RERE: variants seen among roughly 807,000 people sequenced by gnomAD.
RERE encodes the protein arginine-glutamic acid dipeptide repeats, also known as arginine-glutamic acid dipeptide repeats protein.
In RERE, 40 loss-of-function variants were observed where a neutral mutation model predicts 146.1. That is an observed-to-expected ratio of 0.27 (90% CI 0.21 to 0.36). The LOEUF (loss-of-function observed/expected upper bound fraction) is 0.36. RERE is among the 10% of genes least tolerant of loss of function. The pLI, the probability that RERE is intolerant of heterozygous loss-of-function variation, is 1.00. For missense variants in RERE, 1,933 were observed against 2,138.7 expected (o/e 0.90, Z 1.90); for synonymous variants, 1,003 against 866.0 (o/e 1.16, Z -2.78).
chr1:8,509,775 C>T (rs1459873888), intron 7 of RERE, among the ~76,000 whole-genome samples: 2 of 152,218 alleles, frequency 1.3e-5, no homozygotes, highest in African/African-American at 4.8e-5. Flanking sequence ...ACCTGGGCAA[C>T]AGAGCATGAC....
Position 8,361,219 on chromosome 1 carries a change from G to C in RERE, c.2288C>G (p.Thr763Arg), listed in dbSNP as rs375116302. Residue 763 changes from threonine (T) to arginine (R), a missense_variant, in exon 18 of 23, where the codon ACG becomes AGG. Transcript: ENST00000400908. ...AGTGGCAGAGGGCGTGGGCCCTGGC[G>C]TGGGCAGCTGAGGGGTCCCTGGAGG... ...SAPPGTPQLPTPGPTPSATAV... is the reference protein window; with the variant it reads ...SAPPGTPQLPRPGPTPSATAV... The C allele has an allele frequency of 1.3e-6, 2 of 1,529,510 alleles. No homozygotes were observed. Among genetic ancestry groups the C allele is most frequent in the Admixed American group, 2.0e-5 (1 of 49,190 alleles). The allele number at this position is 1,529,510 out of a possible 1,614,324, so 94.7% of individuals were successfully genotyped here.
chr1:8,595,306 T>C (rs1186630446), intron 4 of RERE, among the ~76,000 whole-genome samples: 1 of 152,044 alleles, frequency 6.6e-6, no homozygotes, highest in Non-Finnish European at 1.5e-5. Flanking sequence ...CATTTGTCCA[T>C]ATCCATACTT....
chr1:8,683,319 A>G (rs763293151), intron 1 of RERE, among the ~76,000 whole-genome samples: 6 of 152,072 alleles, frequency 3.9e-5, no homozygotes, highest in Non-Finnish European at 8.8e-5. Context: ...TTGTTCCTTC[A>G]TCTTTTCCCC....
At chr1:8,459,129 G>C (rs532507904) in intron 11 of RERE, among the ~76,000 whole-genome samples, 2 of 152,066 alleles carry the variant, frequency 1.3e-5, no homozygotes, top group African/African-American at 4.8e-5. Context: ...TTTAAGCAAG[G>C]GTTTGGTTCA....
intron 7 of RERE, among the ~76,000 whole-genome samples, chr1:8,510,408 T>C (rs931310056): frequency 1.3e-5 from 2 of 152,174 alleles, no homozygotes; most frequent in African/African-American, 4.8e-5. Flanking sequence ...AGGGAAATGC[T>C]TGCATGTGGG....
chr1:8,738,643 T>C (rs1240974773), intron 1 of RERE, among the ~76,000 whole-genome samples: 1 of 152,124 alleles, frequency 6.6e-6, no homozygotes, highest in South Asian at 2.1e-4. Flanking sequence ...AGTAGTCCCA[T>C]TTACTAAGGA....
intron 2 of RERE, among the ~76,000 whole-genome samples, chr1:8,633,842 T>C (rs917610417): frequency 6.6e-6 from 1 of 151,988 alleles, no homozygotes; most frequent in African/African-American, 2.4e-5. Context: ...GGTGGGAGGA[T>C]TGCTTGACCA....
At chr1:8,453,156 T>C (rs920855893) in intron 11 of RERE, among the ~76,000 whole-genome samples, 13 of 152,226 alleles carry the variant, frequency 8.5e-5, no homozygotes, top group African/African-American at 3.1e-4. Flanking sequence ...CAAGGTCAGA[T>C]TGCTCTGGGG....
intron 12 of RERE, among the ~76,000 whole-genome samples, chr1:8,384,603 G>GAAT (rs1642576838): frequency 6.6e-6 from 1 of 152,214 alleles, no homozygotes; most frequent in African/African-American, 2.4e-5. Context: ...CTGAACTGAT[G>GAAT]AATATCACTT....
At chr1:8,788,214 A>G (rs1360302214) in intron 1 of RERE, among the ~76,000 whole-genome samples, 1 of 152,220 alleles carries the variant, frequency 6.6e-6, no homozygotes, top group African/African-American at 2.4e-5. Flanking sequence ...TAATAGGAAA[A>G]TACTTAAGGA....
Position 8,361,079 on chromosome 1 carries a change from G to A in RERE, c.2428C>T (p.Arg810Trp), listed in dbSNP as rs777961042. Reference protein sequence around the residue: ...IQQAPALHPQRPPSPHPPPHP... With the variant: ...IQQAPALHPQWPPSPHPPPHP... ...GGCGGGGGATGCGGTGAGGGCGGCCGCTGGGGGTGCAAGGCCGGTGCCTGT... is the reference window on the plus strand; with the variant it reads ...GGCGGGGGATGCGGTGAGGGCGGCCACTGGGGGTGCAAGGCCGGTGCCTGT... Residue 810 changes from arginine to tryptophan, a missense_variant, in exon 18 of 23, where the codon CGG becomes TGG. Physicochemically the swap from Arg to Trp is moderately radical, Grantham distance 101. Coordinates refer to ENST00000400908, the MANE Select transcript of RERE (RefSeq NM_001042681.2). 29 of 1,439,358 alleles carry A rather than the reference G, an allele frequency of 2.0e-5. No homozygotes were observed. Among genetic ancestry groups the A allele is most frequent in the East Asian group, 2.5e-5 (1 of 39,720 alleles). The allele number at this position is 1,439,358 out of a possible 1,614,324, so 89.2% of individuals were successfully genotyped here.
intron 4 of RERE, among the ~76,000 whole-genome samples, chr1:8,578,523 C>G (rs555051854): frequency 3.4e-4 from 52 of 152,264 alleles, no homozygotes; most frequent in African/African-American, 1.2e-3. Context: ...CAAGTGTCAT[C>G]CACTGTGCCC....
chr1:8,441,068 G>T (rs1055863510), intron 11 of RERE, among the ~76,000 whole-genome samples: 3 of 151,746 alleles, frequency 2.0e-5, no homozygotes, highest in African/African-American at 7.3e-5. Flanking sequence ...CCCTTGGAGG[G>T]CAAGGACAGC....
At chr1:8,610,096 G>A (rs1646774460) in intron 4 of RERE, among the ~76,000 whole-genome samples, 1 of 152,158 alleles carries the variant, frequency 6.6e-6, no homozygotes, top group East Asian at 1.9e-4. Flanking sequence ...ATGACAAACA[G>A]CAGAACCTTC....
At chr1:8,794,755 A>G (rs2124580998) in intron 1 of RERE, among the ~76,000 whole-genome samples, 1 of 152,184 alleles carries the variant, frequency 6.6e-6, no homozygotes, top group South Asian at 2.1e-4. Context: ...AAACAAATAA[A>G]AAAAAAACTG....
chr1:8,530,153 T>C (rs1248470702), intron 7 of RERE, among the ~76,000 whole-genome samples: 2 of 152,196 alleles, frequency 1.3e-5, no homozygotes, highest in African/African-American at 2.4e-5. Flanking sequence ...AGTCCTGTGA[T>C]CCCCATGTAC....
chr1:8,609,641 C>G (rs1353700230), intron 4 of RERE, among the ~76,000 whole-genome samples: 1 of 152,146 alleles, frequency 6.6e-6, no homozygotes, highest in Non-Finnish European at 1.5e-5. Context: ...TTCTGCACCA[C>G]TAAAAAAGCA....
At chr1:8,444,502 G>A (rs775286696) in intron 11 of RERE, among the ~76,000 whole-genome samples, 3 of 152,122 alleles carry the variant, frequency 2.0e-5, no homozygotes, top group Admixed American at 6.5e-5. Context: ...TATCGATAAC[G>A]GATAATTTGT....
At position 8,656,294 on chromosome 1, in the gene RERE, T is replaced by G. The variant is rs1459831671; in HGVS notation, c.4A>C (p.Thr2Pro). Residue 2 changes from threonine to proline, a missense_variant, in exon 2 of 23, where the codon ACA becomes CCA. Physicochemically the swap from Thr to Pro is conservative, Grantham distance 38 (BLOSUM62 -1). This residue lies in a region of RERE where 107 missense variants were observed against 119.7 expected (regional missense o/e 0.89). Coordinates refer to ENST00000400908, the MANE Select transcript of RERE (RefSeq NM_001042681.2). ...TCTTTGTCTTTGTCTTTGTCCGCTG[T>G]CATGATTCGCCACGTGCCTTCTTCT... M[T>P]ADKDKDKDKE... 6.2e-7 allele frequency: 1 copy of G among 1,612,572 alleles called. No homozygotes were observed. The highest frequency in any genetic ancestry group is 1.1e-5 in the South Asian group (1 of 91,028).
Sources: gnomAD v4.1 joint callset for allele counts (sites outside exome capture counted in the v4.1 genomes callset) on GRCh38, gnomAD v4.1.1 for gene constraint, gnomAD v4.1.1 regional missense constraint, MANE v1.5 for transcripts, NCBI Gene and HGNC (gene_info 2026-07-23, HGNC 2026-07-21) for gene names.